Variants in MAP4 observed in about 807,000 individuals in gnomAD.
MAP4 encodes microtubule-associated protein 4.
A neutral mutation model predicts 170.2 loss-of-function variants in MAP4; 76 were observed. The ratio of observed to expected loss-of-function variants is 0.45; its 90% CI spans 0.37 to 0.54. The LOEUF (loss-of-function observed/expected upper bound fraction) is 0.54. Among genes scored for constraint, MAP4 ranks in the 20% least tolerant of loss-of-function variants. MAP4 has a pLI of 0.00. For synonymous variants in MAP4, 909 were observed against 994.5 expected (o/e 0.91, Z 1.62); for missense variants, 2,506 against 2,748.0 (o/e 0.91, Z 1.97).
chr3:48,044,000 C>T (rs2154539268), intron 1 of MAP4, among the ~76,000 whole-genome samples: 1 of 152,092 alleles, frequency 6.6e-6, no homozygotes, highest in East Asian at 1.9e-4. Flanking sequence ...CACGTGCCAC[C>T]ACACCCAGCT....
chr3:47,918,900 G>A, intron 5 of MAP4, 59 bp from the exon 6 acceptor site: 3 of 1,434,150 alleles, frequency 2.1e-6, no homozygotes, highest in Non-Finnish European at 1.9e-6. Context: ...GAAACAAAAG[G>A]TATTTGATAT....
At chr3:47,927,030 G>A (rs572081571) in intron 4 of MAP4, among the ~76,000 whole-genome samples, 1 of 151,720 alleles carries the variant, frequency 6.6e-6, no homozygotes, top group East Asian at 2.0e-4. Flanking sequence ...GGTGTAGTGG[G>A]CACCTGTAAT....
intron 1 of MAP4, among the ~76,000 whole-genome samples, chr3:48,040,134 C>G (rs1424759720): frequency 6.6e-6 from 1 of 152,134 alleles, no homozygotes; most frequent in Non-Finnish European, 1.5e-5. Flanking sequence ...AAGTCTGACC[C>G]CAAAGTGCTT....
At chr3:47,986,183 T>C (rs912707871) in intron 2 of MAP4, among the ~76,000 whole-genome samples, 1 of 152,184 alleles carries the variant, frequency 6.6e-6, no homozygotes, top group Non-Finnish European at 1.5e-5. Flanking sequence ...CTTGCTATGT[T>C]ACCCAGGCTG....
Position 47,910,514 on chromosome 3 carries a change from C to T in MAP4, c.3907G>A (p.Glu1303Lys). The T allele has an allele frequency of 6.5e-7, 1 of 1,536,000 alleles. No homozygotes were observed. Among genetic ancestry groups the T allele is most frequent in the Non-Finnish European group, 8.7e-7 (1 of 1,146,884 alleles). ...VNFVELGTLGENKISTVKAST... is the reference protein window; with the variant it reads ...VNFVELGTLGKNKISTVKAST... ...GCCTTGACTGTGCTTATCTTGTTTT[C>T]CCCAAGAGTCCCAAGCTCAACAAAA... Residue 1303 changes from glutamate (E) to lysine (K), a missense_variant, in exon 9 of 21, where the codon GAA (glutamate) becomes AAA (lysine). Transcript: ENST00000683076.
At chr3:47,856,007 T>C (rs2055331686) in intron 18 of MAP4, among the ~76,000 whole-genome samples, 1 of 152,144 alleles carries the variant, frequency 6.6e-6, no homozygotes, top group South Asian at 2.1e-4. Context: ...AGGCCTGGGA[T>C]CTAGTGACCT....
chr3:48,043,646 T>C (rs959479927), intron 1 of MAP4, among the ~76,000 whole-genome samples: 1 of 152,326 alleles, frequency 6.6e-6, no homozygotes, highest in Middle Eastern at 3.4e-3. Flanking sequence ...TTGTTAGAGA[T>C]GCATATACAA....
Position 48,002,241 on chromosome 3 carries a change from C to CA in MAP4, c.-19-3363dup, listed in dbSNP as rs576739213. On this transcript the variant is annotated intron_variant, in intron 1 of 20. Transcript: ENST00000683076. ...GGGTGACAGAGCAAGACTCTAGTCT[C>CA]AAAAAGAAAAAAAAAAGAAAAAAAA... Among the ~76,000 whole-genome samples the CA allele has an allele frequency of 5.4e-3, 459 of 84,406 alleles. 7 individuals carry two copies. Among genetic ancestry groups the CA allele is most frequent in the South Asian group, 8.4e-3 (26 of 3,078 alleles). 55.4% of individuals were successfully genotyped at this position (84,406 alleles called of 152,430 possible).
rs1166464376 is a variant in MAP4, at chr3:47,875,832, A to G, written c.5610T>C (p.Pro1870=). Residue 1870 remains proline (P), a synonymous_variant, in exon 12 of 21, where the codon CCT becomes CCC. Transcript: ENST00000683076. ...CAATGGTGGTGGGAGCTGGCTGCTTAGGGAGAGAAGTGGGCTGTGTTTTGG... is the reference window on the plus strand; with the variant it reads ...CAATGGTGGTGGGAGCTGGCTGCTTGGGGAGAGAAGTGGGCTGTGTTTTGG... The part of the protein sequence containing the change: ...SKAKTQPTSL[P]KQPAPTTIGG... The G allele has an allele frequency of 1.2e-6, 2 of 1,613,804 alleles. No homozygotes were observed. Among genetic ancestry groups the G allele is most frequent in the African/African-American group, 1.3e-5 (1 of 74,892 alleles).
intron 15 of MAP4, among the ~76,000 whole-genome samples, chr3:47,869,968 T>C (rs1171282558): frequency 6.6e-6 from 1 of 152,164 alleles, no homozygotes; most frequent in Non-Finnish European, 1.5e-5. Flanking sequence ...CAGCTTGCCA[T>C]CAGTGTCTTC....
In MAP4 at chr3:47,961,408, A is replaced by T. The variant is rs1559613459; in HGVS notation, c.292+16457T>A. Among the ~76,000 whole-genome samples, 3 of 152,200 alleles carry T rather than the reference A, an allele frequency of 2.0e-5. No individual in the cohort carries two copies. The South Asian group carries it at 6.2e-4, about 31-fold the overall frequency. On this transcript the variant is annotated intron_variant, in intron 3 of 20. Coordinates refer to ENST00000683076, the MANE Select transcript of MAP4 (RefSeq NM_001385682.1). ...TGACTATGGGGCTGAGCATGTCCTC[A>T]TTCCTCATTTTAGAACAAGGGTGAG...
At chr3:48,003,890 G>A (rs1235684235) in intron 1 of MAP4, among the ~76,000 whole-genome samples, 2 of 152,096 alleles carry the variant, frequency 1.3e-5, no homozygotes, top group Non-Finnish European at 2.9e-5. Context: ...GAAGAGGCAA[G>A]AGGGGCCTAG....
chr3:47,967,897 G>A (rs989599016), intron 3 of MAP4, among the ~76,000 whole-genome samples: 1 of 152,080 alleles, frequency 6.6e-6, no homozygotes, highest in Non-Finnish European at 1.5e-5. Context: ...CAGAGTTCCA[G>A]GCTGCTATGA....
At chr3:48,076,017 T>A (rs1459969673) in intron 1 of MAP4, among the ~76,000 whole-genome samples, 1 of 150,294 alleles carries the variant, frequency 6.7e-6, no homozygotes, top group Non-Finnish European at 1.5e-5. Flanking sequence ...GATTTTGGAT[T>A]CCTACCTCAC....
At position 47,912,197 on chromosome 3, in the gene MAP4, T is replaced by A. The variant is rs1279865321; in HGVS notation, c.2224A>T (p.Ser742Cys). The change falls in exon 9 of 21, where the codon AGT (serine) becomes TGT (cysteine). Residue 742 changes from serine to cysteine, a missense_variant. Coordinates refer to ENST00000683076, the MANE Select transcript of MAP4 (RefSeq NM_001385682.1). ...GGTTCAAGTGAGTCAACATGAATACTTTTTCTTTGGTTCCCAGGCCCACCA... is the reference window on the plus strand; with the variant it reads ...GGTTCAAGTGAGTCAACATGAATACATTTTCTTTGGTTCCCAGGCCCACCA... ...SCGGPGNQRKSIHVDSLEPQR... is the reference protein window; with the variant it reads ...SCGGPGNQRKCIHVDSLEPQR... 1 of 1,536,036 alleles carries A rather than the reference T, an allele frequency of 6.5e-7. No homozygotes were observed. Among genetic ancestry groups the A allele is most frequent in the Non-Finnish European group, 8.7e-7 (1 of 1,146,922 alleles).
chr3:48,000,872 T>C (rs2100098735), intron 1 of MAP4, among the ~76,000 whole-genome samples: 2 of 152,200 alleles, frequency 1.3e-5, no homozygotes, highest in Admixed American at 6.5e-5. Flanking sequence ...GAAAAAGAAA[T>C]AGAATTAAAG....
At chr3:47,863,925 T>TGG (rs1239438180) in intron 17 of MAP4, among the ~76,000 whole-genome samples, 26 of 132,500 alleles carry the variant, frequency 2.0e-4, no homozygotes, top group Admixed American at 7.9e-4. Flanking sequence ...GGTGTGGGTG[T>TGG]GTGTGTGTGT....
chr3:47,867,074 AC>A, intron 17 of MAP4, among the ~76,000 whole-genome samples, 171 bp downstream of exon 17: 1 of 152,066 alleles, frequency 6.6e-6, no homozygotes, highest in Non-Finnish European at 1.5e-5. Context: ...CACCAGAAAC[AC>A]CCTGTCTAAC....
intron 1 of MAP4, among the ~76,000 whole-genome samples, chr3:48,067,889 C>T (rs1167931816): frequency 1.3e-5 from 2 of 152,162 alleles, no homozygotes; most frequent in African/African-American, 4.8e-5. Flanking sequence ...ATCCACCTGC[C>T]TTGGCCTCCC....
Sources: gnomAD v4.1 joint callset for allele counts (sites outside exome capture counted in the v4.1 genomes callset) on GRCh38, gnomAD v4.1.1 for gene constraint, MANE v1.5 for transcripts, NCBI Gene and HGNC (gene_info 2026-07-23, HGNC 2026-07-21) for gene names.